The following C12orf42 variants were observed in gnomAD, a reference collection of about 807,000 sequenced individuals.
The protein encoded by C12orf42 is uncharacterized protein C12orf42.
In C12orf42, 25 loss-of-function variants were observed where a neutral mutation model predicts 21.6. The observed-to-expected ratio is 1.16, with a 90% CI of 0.84 to 1.62. The LOEUF (loss-of-function observed/expected upper bound fraction) is 1.62. C12orf42 is among the 40% of genes most tolerant of loss of function. The probability of loss-of-function intolerance (pLI) is 0.00; values close to 1 mark genes in which losing one functional copy is unlikely to be tolerated. For missense variants in C12orf42, 483 were observed against 459.3 expected, an observed-to-expected ratio of 1.05 and a Z score of -0.47; for synonymous variants, 174 against 175.0, an observed-to-expected ratio of 0.99 and a Z score of 0.05.
At chr12:103,262,357 A>T (rs2136226317) in intron 10 of C12orf42, 1 of 152,334 alleles carries the variant, frequency 6.6e-6, no homozygotes, top group South Asian at 2.1e-4. Context: ...AGGATGTGTA[A>T]TTATGTGTCA....
intron 1 of C12orf42, among the ~76,000 whole-genome samples, chr12:103,487,131 T>A (rs11503454): frequency 0.21 from 31,582 of 152,158 alleles, 3,744 homozygotes; most frequent in East Asian, 0.36. Context: ...TTTAAATGTG[T>A]CCCAGAGATT....
chr12:103,230,847 GAC>G, the C12orf42 span, among the ~76,000 whole-genome samples: 763 of 151,606 alleles, frequency 5.0e-3, 4 homozygotes, highest in Middle Eastern at 6.8e-3. Flanking sequence ...AATTTCTTTG[GAC>G]TTATGCTGTT....
At chr12:103,121,793 C>T in the C12orf42 span, among the ~76,000 whole-genome samples, 16 of 152,184 alleles carry the variant, frequency 1.1e-4, no homozygotes, top group Non-Finnish European at 2.2e-4. Flanking sequence ...GTTTTTGTGA[C>T]TTTATCTATA....
At chr12:103,147,623 C>CTTTTTTTTTTTTT in the C12orf42 span, among the ~76,000 whole-genome samples, 5 of 99,312 alleles carry the variant, frequency 5.0e-5, no homozygotes, top group African/African-American at 1.2e-4. Context: ...TTCTCTCTCT[C>CTTTTTTTTTTTTT]TTTTTTTTTT....
intron 4 of C12orf42, among the ~76,000 whole-genome samples, chr12:103,313,458 G>A (rs1005751091): frequency 2.6e-5 from 4 of 152,180 alleles, no homozygotes; most frequent in Non-Finnish European, 5.9e-5. Flanking sequence ...AAGAGCACAA[G>A]CACTGGATCC....
chr12:103,210,534 G>A, the C12orf42 span, among the ~76,000 whole-genome samples: 1 of 151,460 alleles, frequency 6.6e-6, no homozygotes, highest in Admixed American at 6.6e-5. Flanking sequence ...GCCTGAGAAA[G>A]CCTGTTGCCC....
chr12:103,528,077 C>A, the C12orf42 span, among the ~76,000 whole-genome samples: 16 of 152,206 alleles, frequency 1.1e-4, no homozygotes, highest in African/African-American at 3.9e-4. Flanking sequence ...ACTTCTTTTG[C>A]AATACTGGCT....
the C12orf42 span, among the ~76,000 whole-genome samples, chr12:103,227,623 G>A: frequency 6.6e-6 from 1 of 152,046 alleles, no homozygotes; most frequent in Non-Finnish European, 1.5e-5. Context: ...GAGAGAAGGG[G>A]TTGGGGTACT....
At chr12:103,212,946 A>G in the C12orf42 span, among the ~76,000 whole-genome samples, 1 of 151,992 alleles carries the variant, frequency 6.6e-6, no homozygotes, top group African/African-American at 2.4e-5. Flanking sequence ...CTACATATAT[A>G]TATATATGGT....
intron 2 of C12orf42, among the ~76,000 whole-genome samples, chr12:103,446,767 G>C (rs900219854): frequency 6.6e-6 from 1 of 151,624 alleles, no homozygotes; most frequent in Non-Finnish European, 1.5e-5. Flanking sequence ...AGACAAAGAG[G>C]GACATTATAC....
At chr12:103,368,033 A>AAAC in intron 4 of C12orf42, 1 of 1,271,056 alleles carries the variant, frequency 7.9e-7, no homozygotes, top group South Asian at 1.3e-5. Context: ...GTTGTCCTAA[A>AAAC]AACTTCATTA....
At chr12:103,128,280 G>C in the C12orf42 span, among the ~76,000 whole-genome samples, 1 of 152,106 alleles carries the variant, frequency 6.6e-6, no homozygotes, top group Non-Finnish European at 1.5e-5. Context: ...GAAGGGGGAA[G>C]AAAGAAGAAA....
chr12:103,516,027 GT>G, the C12orf42 span, among the ~76,000 whole-genome samples: 3 of 152,182 alleles, frequency 2.0e-5, no homozygotes, highest in Non-Finnish European at 4.4e-5. Flanking sequence ...AGTATAGATA[GT>G]ACTTGGAAGT....
chr12:103,531,088 G>A, the C12orf42 span, among the ~76,000 whole-genome samples: 1 of 152,208 alleles, frequency 6.6e-6, no homozygotes, highest in South Asian at 2.1e-4. Context: ...ATCACTGTAA[G>A]ACTAATGAGG....
At chr12:103,224,918 G>A in the C12orf42 span, among the ~76,000 whole-genome samples, 2 of 152,144 alleles carry the variant, frequency 1.3e-5, no homozygotes, top group African/African-American at 4.8e-5. Flanking sequence ...TTGAGGTTTG[G>A]GAGATTAATC....
At chr12:103,157,044 C>T in the C12orf42 span, among the ~76,000 whole-genome samples, 4 of 152,138 alleles carry the variant, frequency 2.6e-5, no homozygotes, top group Non-Finnish European at 2.9e-5. Context: ...CTTGAGGAAT[C>T]GCCACACTGT....
At chr12:103,531,325 A>C in the C12orf42 span, among the ~76,000 whole-genome samples, 1 of 152,118 alleles carries the variant, frequency 6.6e-6, no homozygotes, top group Non-Finnish European at 1.5e-5. Flanking sequence ...CCACATCCTG[A>C]GTTGTGATCA....
chr12:103,119,977 A>G, the C12orf42 span, among the ~76,000 whole-genome samples: 1 of 152,214 alleles, frequency 6.6e-6, no homozygotes, highest in African/African-American at 2.4e-5. Flanking sequence ...ATCTCACTGA[A>G]TTATCAATTG....
downstream of C12orf42, among the ~76,000 whole-genome samples, chr12:103,265,738 C>T (rs537328963): frequency 3.5e-4 from 54 of 152,258 alleles, no homozygotes; most frequent in African/African-American, 1.2e-3. Context: ...CAGGAGTCAG[C>T]ATCTCGTGGT....
Sources: gnomAD v4.1 joint callset for allele counts (sites outside exome capture counted in the v4.1 genomes callset) on GRCh38, gnomAD v4.1.1 for gene constraint, MANE v1.5 for transcripts, NCBI Gene and HGNC (gene_info 2026-07-23, HGNC 2026-07-21) for gene names.